WNT3: variants seen among roughly 807,000 people sequenced by gnomAD.
The protein encoded by WNT3 is proto-oncogene Wnt-3.
Under a neutral mutation model 34.2 loss-of-function variants are expected in WNT3, and 7 were observed. The observed-to-expected ratio is 0.20, with a 90% CI of 0.12 to 0.38. The LOEUF is 0.38. Ranked by LOEUF, WNT3 falls within the 10% of genes least tolerant of loss-of-function variation. WNT3 has a pLI of 1.00. For missense variants in WNT3, 267 were observed against 499.8 expected (o/e 0.53, Z 4.44); for synonymous variants, 212 against 211.5 (o/e 1.00, Z -0.02).
chr17:46,777,644 C>G (rs2059423008), intron 1 of WNT3, among the ~76,000 whole-genome samples: 1 of 152,278 alleles, frequency 6.6e-6, no homozygotes, highest in African/African-American at 2.4e-5. Context: ...TTATGTAGCA[C>G]TTGCTCTGTG....
chr17:46,773,763 C>T lies in WNT3; in HGVS notation c.227G>A (p.Gly76Asp). ...MPSVAEGVKL[G>D]IQECQHQFRG... is the part of the protein sequence containing the mutation. ...GAACTGGTGCTGGCACTCCTGGATG[C>T]CCAGCTTCACGCCCTCGGCCACGCT... The change falls in exon 2 of 5, where the codon GGC becomes GAC. Residue 76 changes from glycine (G) to aspartate (D), a missense_variant. Gly to Asp is a moderately conservative substitution (Grantham distance 94). Around this residue, in one of 3 missense-constraint regions of WNT3, gnomAD observed 181 missense variants for 391.3 expected, o/e 0.46. Coordinates refer to ENST00000225512, the MANE Select transcript of WNT3 (RefSeq NM_030753.5). 1 of 1,613,240 alleles carries T rather than the reference C, an allele frequency of 6.2e-7. No homozygotes were observed. The highest frequency in any genetic ancestry group is 8.5e-7 in the Non-Finnish European group (1 of 1,179,974).
At chr17:46,806,789 C>T (rs1263179564) in intron 1 of WNT3, among the ~76,000 whole-genome samples, 2 of 152,238 alleles carry the variant, frequency 1.3e-5, no homozygotes, top group Non-Finnish European at 2.9e-5. Context: ...GTTGTGAGGA[C>T]ACCTTGCTGG....
chr17:46,766,524 C>T (rs1044133942), intron 4 of WNT3, among the ~76,000 whole-genome samples: 26 of 152,294 alleles, frequency 1.7e-4, no homozygotes, highest in African/African-American at 6.0e-4. Context: ...GATTCACCTT[C>T]GTCCTCTCCC....
intron 1 of WNT3, among the ~76,000 whole-genome samples, chr17:46,811,849 C>T (rs1222951232): frequency 1.3e-5 from 2 of 152,046 alleles, no homozygotes; most frequent in African/African-American, 4.8e-5. Flanking sequence ...CCCAGCTACT[C>T]GGGAGGCTGA....
chr17:46,791,486 C>T (rs1012532048), intron 1 of WNT3, among the ~76,000 whole-genome samples: 22 of 152,140 alleles, frequency 1.4e-4, no homozygotes, highest in African/African-American at 5.1e-4. Context: ...GGATTACAGA[C>T]GTGAGCCACC....
At position 46,768,545 on chromosome 17, in the gene WNT3, G is replaced by A. The variant is rs149893308; in HGVS notation, c.843C>T (p.Pro281=). 6.8e-5 allele frequency: 110 copies of A among 1,614,060 alleles called. No homozygotes were observed. Among genetic ancestry groups the A allele is most frequent in the Non-Finnish European group, 8.8e-5 (104 of 1,180,044 alleles). Reference sequence around the variant, plus strand: ...TCTCTGGGTTGGGCTCACAAAAGTTGGGGGAGTTCTCGTAGTAGACCAGGT... The same window carrying A: ...TCTCTGGGTTGGGCTCACAAAAGTTAGGGGAGTTCTCGTAGTAGACCAGGT... The part of the protein sequence containing the change: ...ERDLVYYENS[P]NFCEPNPETG... The change falls in exon 4 of 5, where the codon CCC becomes CCT. Residue 281 remains proline, a synonymous_variant. Transcript: ENST00000225512. The surrounding 1 kb of genome is among the most constrained non-coding windows in gnomAD (Gnocchi z 5.0).
chr17:46,765,986 G>C (rs1280836004), intron 4 of WNT3, among the ~76,000 whole-genome samples: 2 of 152,212 alleles, frequency 1.3e-5, no homozygotes, highest in Non-Finnish European at 2.9e-5. Context: ...CCACAGAGAA[G>C]GGGTTCCGGG....
chr17:46,817,284 G>A (rs752883895), intron 1 of WNT3, among the ~76,000 whole-genome samples: 12 of 152,308 alleles, frequency 7.9e-5, no homozygotes, highest in African/African-American at 1.9e-4. Flanking sequence ...AGGCGGTACC[G>A]CACCGTGGTG....
intron 1 of WNT3, among the ~76,000 whole-genome samples, chr17:46,811,629 G>A (rs956223026): frequency 2.6e-5 from 4 of 152,156 alleles, no homozygotes; most frequent in Non-Finnish European, 4.4e-5. Flanking sequence ...CAGGGTGCCC[G>A]AAGGAGAGCG....
chr17:46,769,749 C>T, intron 3 of WNT3, 34 bp downstream of exon 3: 1 of 1,605,194 alleles, frequency 6.2e-7, no homozygotes, highest in Non-Finnish European at 8.5e-7. Flanking sequence ...GGGGGCTGCT[C>T]CCTGAAGGGT....
intron 3 of WNT3, among the ~76,000 whole-genome samples, chr17:46,769,437 AG>A (rs922918839): frequency 6.6e-5 from 10 of 152,340 alleles, no homozygotes; most frequent in Admixed American, 3.3e-4. Context: ...AAGCATAGTA[AG>A]GGAGTGGAGG....
rs537643955 is a variant in WNT3 at position 46,768,292 on chromosome 17, C to T, written c.*8+20G>A. ...CTGCGCCCAGGCTCCCAGCCTCCCC[C>T]CTGCTTCCCGGAGCCCTACCTGGTG... On this transcript the variant is annotated intron_variant, in intron 4 of 4. Coordinates refer to ENST00000225512, the MANE Select transcript of WNT3 (RefSeq NM_030753.5). The surrounding 1 kb of genome is among the most constrained non-coding windows in gnomAD (Gnocchi z 5.0). 3.7e-6 allele frequency: 6 copies of T among 1,612,716 alleles called. No homozygotes were observed. Among genetic ancestry groups the T allele is most frequent in the Non-Finnish European group, 5.1e-6 (6 of 1,180,040 alleles).
At position 46,764,139 on chromosome 17, in the gene WNT3, G is replaced by A. The variant is rs1478920591; in HGVS notation, c.*491C>T. The A allele has an allele frequency of 1.3e-5, 2 of 152,252 alleles. No homozygotes were observed. The highest frequency in any genetic ancestry group is 2.9e-5 in the Non-Finnish European group (2 of 68,034). 9.4% of individuals were successfully genotyped at this position (152,252 alleles called of 1,614,324 possible). On this transcript the variant is annotated 3_prime_UTR_variant, in exon 5 of 5. Coordinates refer to ENST00000225512, the MANE Select transcript of WNT3 (RefSeq NM_030753.5). The stretch of plus-strand genomic sequence containing the variant: ...TCAAATTTGAATGGGAGTGGACCAA[G>A]AAAAGGAGACTGCAGGGGTGTGTCC...
At chr17:46,792,701 T>C (rs1325726300) in intron 1 of WNT3, among the ~76,000 whole-genome samples, 1 of 152,184 alleles carries the variant, frequency 6.6e-6, no homozygotes, top group Non-Finnish European at 1.5e-5. Context: ...CTCGAACTAC[T>C]GACCACGTGA....
intron 1 of WNT3, among the ~76,000 whole-genome samples, chr17:46,806,824 C>A (rs889779536): frequency 6.6e-6 from 1 of 152,226 alleles, no homozygotes. Context: ...CCCTGGCCGC[C>A]GCTCCCCTCT....
intron 2 of WNT3, among the ~76,000 whole-genome samples, chr17:46,771,125 C>T (rs1454382305): frequency 6.6e-6 from 1 of 152,178 alleles, no homozygotes; most frequent in Non-Finnish European, 1.5e-5. Context: ...CCCGCGGCCG[C>T]TCTCCGCGGC....
At chr17:46,796,734 G>A (rs535035084) in intron 1 of WNT3, among the ~76,000 whole-genome samples, 1 of 152,216 alleles carries the variant, frequency 6.6e-6, no homozygotes, top group Non-Finnish European at 1.5e-5. Flanking sequence ...AGCGGTGCCT[G>A]ATCAGTCCCT....
intron 1 of WNT3, among the ~76,000 whole-genome samples, chr17:46,777,622 A>G (rs2059422867): frequency 6.6e-6 from 1 of 152,238 alleles, no homozygotes; most frequent in African/African-American, 2.4e-5. Flanking sequence ...TGGCAATACT[A>G]ATGACAACTA....
At chr17:46,814,731 A>G (rs2084319369) in intron 1 of WNT3, among the ~76,000 whole-genome samples, 1 of 152,210 alleles carries the variant, frequency 6.6e-6, no homozygotes, top group Admixed American at 6.5e-5. Flanking sequence ...CGCAGTCTCC[A>G]GGTGCCTCCC....
Sources: gnomAD v4.1 joint callset for allele counts (sites outside exome capture counted in the v4.1 genomes callset) on GRCh38, gnomAD v4.1.1 for gene constraint, gnomAD v4.1.1 regional missense constraint, Gnocchi (gnomAD v3.1) non-coding constraint, MANE v1.5 for transcripts, NCBI Gene and HGNC (gene_info 2026-07-23, HGNC 2026-07-21) for gene names.